DCPS: variants seen among roughly 807,000 people sequenced by gnomAD.
DCPS encodes decapping enzyme, scavenger, also known as m7GpppX diphosphatase.
Under a neutral mutation model 34.7 loss-of-function variants are expected in DCPS, and 27 were observed. The ratio of observed to expected loss-of-function variants is 0.78; its 90% confidence interval spans 0.57 to 1.07. The LOEUF is 1.07. Among genes scored for constraint, DCPS ranks in the 50% least tolerant of loss-of-function variants. DCPS has a pLI of 0.00. For synonymous variants in DCPS, 185 were observed against 185.7 expected (o/e 1.00, Z 0.03); for missense variants, 464 against 436.9 (o/e 1.06, Z -0.55).
intron 2 of DCPS, among the ~76,000 whole-genome samples, chr11:126,326,300 A>G (rs935884655): frequency 1.3e-5 from 2 of 152,144 alleles, no homozygotes; most frequent in Admixed American, 1.3e-4. Flanking sequence ...GAGCCTGGCA[A>G]GGCCACCGGG....
In DCPS at chr11:126,313,056, C is replaced by T. The variant is rs907886420; in HGVS notation, c.376+6312C>T. ...GAGCCCTTTATTGCGGTCTGTTCTC[C>T]TTTACCTGGGGAAGAAGGGGGAGAT... On this transcript the variant is annotated intron_variant, in intron 2 of 5. Transcript: ENST00000263579. The surrounding 1 kb of genome is among the most constrained non-coding windows in gnomAD (Gnocchi z 4.9). Among the ~76,000 whole-genome samples, 4 of 152,196 alleles carry T rather than the reference C, an allele frequency of 2.6e-5. No individual in the cohort carries two copies. The highest frequency in any genetic ancestry group is 2.6e-4 in the Admixed American group (4 of 15,290).
In DCPS at chr11:126,334,291, C is replaced by A. The variant is rs1951814226; in HGVS notation, c.522+2741C>A. 6.6e-6 allele frequency among the ~76,000 whole-genome samples: 1 copy of A among 152,126 alleles called. No individual in the cohort carries two copies. The highest frequency in any genetic ancestry group is 1.5e-5 in the Non-Finnish European group (1 of 68,024). On this transcript the variant is annotated intron_variant, in intron 3 of 5. Transcript: ENST00000263579. This position sits in a 1 kb window ranked among gnomAD's most constrained non-coding sequence, Gnocchi z 5.5. ...CATTGAGCACTTACTATGTATAGTC[C>A]AAGAACTGCTCTAAGCATTTATGCG...
chr11:126,308,652 C>T (rs1951592678), intron 2 of DCPS, among the ~76,000 whole-genome samples: 2 of 152,080 alleles, frequency 1.3e-5, no homozygotes, highest in Admixed American at 1.3e-4. Context: ...TTGGGGTGGC[C>T]CCCTGCATTG....
At position 126,341,014 on chromosome 11, in the gene DCPS, A is replaced by G. The variant is rs150520381; in HGVS notation, c.637-2293A>G. On this transcript the variant is annotated intron_variant, in intron 4 of 5. Transcript: ENST00000263579. ...CACAGCCCTTCCTTTCCCTTCCCCA[A>G]AACAACTATTGTTGCTATTTCTTTG... The G allele has an allele frequency of 2.4e-4, 37 of 152,326 alleles. 6 individuals carry two copies. Among genetic ancestry groups the G allele is most frequent in the African/African-American group, 8.4e-4 (35 of 41,554 alleles). 9.4% of individuals were successfully genotyped at this position (152,326 alleles called of 1,614,324 possible).
At position 126,333,301 on chromosome 11, in the gene DCPS, A is replaced by G. The variant is rs1951806074; in HGVS notation, c.522+1751A>G. On this transcript the variant is annotated intron_variant, in intron 3 of 5. Coordinates refer to ENST00000263579, the MANE Select transcript of DCPS (RefSeq NM_014026.6). The surrounding 1 kb of genome is among the most constrained non-coding windows in gnomAD (Gnocchi z 5.7). ...GCACTCAGCTTAACTGGCAACACTCATTATGTTTACTGAGTACCTACTATG... is the reference window on the plus strand; with the variant it reads ...GCACTCAGCTTAACTGGCAACACTCGTTATGTTTACTGAGTACCTACTATG... Among the ~76,000 whole-genome samples the G allele has an allele frequency of 6.6e-6, 1 of 152,214 alleles. No homozygotes were observed. Among genetic ancestry groups the G allele is most frequent in the Non-Finnish European group, 1.5e-5 (1 of 68,046 alleles).
Position 126,331,028 on chromosome 11 carries a change from G to A in DCPS, c.377-377G>A, listed in dbSNP as rs558363487. ...TGGGATTACAGGCGTCAGCCACTGC[G>A]CCCGGCCTTTAAGCCATATTTTCAG... On this transcript the variant is annotated intron_variant, in intron 2 of 5. Coordinates refer to ENST00000263579, the MANE Select transcript of DCPS (RefSeq NM_014026.6). This position sits in a 1 kb window ranked among gnomAD's most constrained non-coding sequence, Gnocchi z 7.2. Among the ~76,000 whole-genome samples, 5 of 152,114 alleles carry A rather than the reference G, an allele frequency of 3.3e-5. No homozygotes were observed. Among genetic ancestry groups the A allele is most frequent in the Non-Finnish European group, 5.9e-5 (4 of 67,996 alleles).
At chr11:126,317,782 G>C (rs1373790871) in intron 2 of DCPS, among the ~76,000 whole-genome samples, 1 of 152,200 alleles carries the variant, frequency 6.6e-6, no homozygotes, top group Non-Finnish European at 1.5e-5. Flanking sequence ...TCTGTGTGTG[G>C]AGAAGTGGGG....
rs183693405 is a variant in DCPS at position 126,313,073 on chromosome 11, G to A, written c.376+6329G>A. 4.6e-5 allele frequency among the ~76,000 whole-genome samples: 7 copies of A among 152,342 alleles called. No homozygotes were observed. The highest frequency in any genetic ancestry group is 4.6e-4 in the Admixed American group (7 of 15,306). On this transcript the variant is annotated intron_variant, in intron 2 of 5. Coordinates refer to ENST00000263579, the MANE Select transcript of DCPS (RefSeq NM_014026.6). The surrounding 1 kb of genome is among the most constrained non-coding windows in gnomAD (Gnocchi z 4.9). ...CTGTTCTCCTTTACCTGGGGAAGAA[G>A]GGGGAGATAGCAGGGAGAGAGGTGT...
In DCPS at chr11:126,304,608, C is replaced by G. The variant is rs1209532083; in HGVS notation, c.201+327C>G. On this transcript the variant is annotated intron_variant, in intron 1 of 5. Coordinates refer to ENST00000263579, the MANE Select transcript of DCPS (RefSeq NM_014026.6). ...ATTTATGTATACAGGGACTAGGAAC[C>G]CAGTCAATGTTAGATGTCTCGCTCA... Among the ~76,000 whole-genome samples the G allele has an allele frequency of 2.0e-5, 3 of 152,106 alleles. No homozygotes were observed. In the East Asian group the frequency reaches 5.8e-4, roughly 29 times the overall value.
In DCPS at chr11:126,333,794, T is replaced by C. The variant is rs1002896761; in HGVS notation, c.522+2244T>C. 3.3e-5 allele frequency among the ~76,000 whole-genome samples: 5 copies of C among 152,132 alleles called. No homozygotes were observed. Among genetic ancestry groups the C allele is most frequent in the Non-Finnish European group, 7.4e-5 (5 of 68,026 alleles). On this transcript the variant is annotated intron_variant, in intron 3 of 5. Coordinates refer to ENST00000263579, the MANE Select transcript of DCPS (RefSeq NM_014026.6). The surrounding 1 kb of genome is among the most constrained non-coding windows in gnomAD (Gnocchi z 5.7). ...TACCATCAGGATTGCCTGGGGGTTT[T>C]CATAAATACCGAGCACAGAGCACTA...
rs1951947302 is a variant in DCPS at position 126,347,572 on chromosome 11, C to T, written c.*1959C>T. 6.6e-6 allele frequency among the ~76,000 whole-genome samples: 1 copy of T among 152,174 alleles called. No individual in the cohort carries two copies. The highest frequency in any genetic ancestry group is 1.5e-5 in the Non-Finnish European group (1 of 68,020). On this transcript the variant is annotated 3_prime_UTR_variant, in exon 6 of 6. Coordinates refer to ENST00000263579, the MANE Select transcript of DCPS (RefSeq NM_014026.6). This position sits in a 1 kb window ranked among gnomAD's most constrained non-coding sequence, Gnocchi z 4.2. ...AGATTCAGGCAACATGGAGTTGCAG[C>T]CAAGGAACTTTGAGGTAGTGACCAA...
intron 2 of DCPS, among the ~76,000 whole-genome samples, chr11:126,318,189 CT>C (rs1339301760): frequency 6.6e-6 from 1 of 152,194 alleles, no homozygotes; most frequent in Admixed American, 6.5e-5. Context: ...CAGCTCTGTG[CT>C]TTCCTAGAGA....
Position 126,324,629 on chromosome 11 carries a change from CTTTTTTTTTTTT to C in DCPS, c.377-6761_377-6750del, listed in dbSNP as rs58091804. 2.4e-4 allele frequency among the ~76,000 whole-genome samples: 24 copies of C among 99,940 alleles called. 1 individual carries two copies. The highest frequency in any genetic ancestry group is 1.0e-3 in the Admixed American group (9 of 8,918). 65.6% of individuals were successfully genotyped at this position (99,940 alleles called of 152,430 possible). A position where few individuals can be genotyped will look rare whatever the true frequency, so the allele number is the denominator to read the frequency against. On this transcript the variant is annotated intron_variant, in intron 2 of 5. Transcript: ENST00000263579. The stretch of plus-strand genomic sequence containing the variant: ...CACCATGCCTAGCTAATTTTTCTGC[CTTTTTTTTTTTT>C]TTTTTTTTTTTTTTGGTAAAGACGG...
rs1231664224 is a variant in DCPS at position 126,333,495 on chromosome 11, G to T, written c.522+1945G>T. On this transcript the variant is annotated intron_variant, in intron 3 of 5. Transcript: ENST00000263579. The surrounding 1 kb of genome is among the most constrained non-coding windows in gnomAD (Gnocchi z 5.7). ...TGGTGATGCAGAGGGACAGTGACCAGCGCAGACAGTTGGGACTTCACAGGG... is the reference window on the plus strand; with the variant it reads ...TGGTGATGCAGAGGGACAGTGACCATCGCAGACAGTTGGGACTTCACAGGG... Among the ~76,000 whole-genome samples, 1 of 152,236 alleles carries T rather than the reference G, an allele frequency of 6.6e-6. No individual in the cohort carries two copies. Among genetic ancestry groups the T allele is most frequent in the East Asian group, 1.9e-4 (1 of 5,198 alleles).
rs1402727581 is a variant in DCPS, at chr11:126,346,307, C to G, written c.*694C>G. 6.6e-6 allele frequency among the ~76,000 whole-genome samples: 1 copy of G among 152,114 alleles called. No homozygotes were observed. The highest frequency in any genetic ancestry group is 2.4e-5 in the African/African-American group (1 of 41,402). ...TTGAGTTTTTATCTCGGCAGGAAGA[C>G]AAAACAGACTCACATGAAGCAGCCA... On this transcript the variant is annotated 3_prime_UTR_variant, in exon 6 of 6. Coordinates refer to ENST00000263579, the MANE Select transcript of DCPS (RefSeq NM_014026.6). The surrounding 1 kb of genome is among the most constrained non-coding windows in gnomAD (Gnocchi z 4.1).
rs973235440 is a variant in DCPS at position 126,325,732 on chromosome 11, T to G, written c.377-5673T>G. ...TAAAAAGCATGACAGGGGAACTCTG[T>G]AAGGAGTGTTGGAGGTGCTCTTAAT... On this transcript the variant is annotated intron_variant, in intron 2 of 5. Coordinates refer to ENST00000263579, the MANE Select transcript of DCPS (RefSeq NM_014026.6). This position sits in a 1 kb window ranked among gnomAD's most constrained non-coding sequence, Gnocchi z 4.3. Among the ~76,000 whole-genome samples the G allele has an allele frequency of 6.6e-6, 1 of 152,190 alleles. No individual in the cohort carries two copies. Among genetic ancestry groups the G allele is most frequent in the African/African-American group, 2.4e-5 (1 of 41,450 alleles).
intron 2 of DCPS, among the ~76,000 whole-genome samples, chr11:126,330,913 T>G (rs1951784773): frequency 6.6e-6 from 1 of 151,360 alleles, no homozygotes; most frequent in Non-Finnish European, 1.5e-5. Flanking sequence ...ATTTTGTATC[T>G]TTAGTAGAGA....
At position 126,337,848 on chromosome 11, in the gene DCPS, G is replaced by A; in HGVS notation, c.523-438G>A. On this transcript the variant is annotated intron_variant, in intron 3 of 5. Transcript: ENST00000263579. This position sits in a 1 kb window ranked among gnomAD's most constrained non-coding sequence, Gnocchi z 5.3. ...ACAGAAGGAAACCGTGGTGCCCTCA[G>A]CCTCCTACCTCTCTTTGCCCCATAG... 1 of 164,116 alleles carries A rather than the reference G, an allele frequency of 6.1e-6. No individual in the cohort carries two copies. Among genetic ancestry groups the A allele is most frequent in the Non-Finnish European group, 1.3e-5 (1 of 74,584 alleles). The allele number at this position is 164,116 out of a possible 1,614,324, so 10.2% of individuals were successfully genotyped here.
At chr11:126,310,340 T>C (rs1370605154) in intron 2 of DCPS, among the ~76,000 whole-genome samples, 1 of 152,218 alleles carries the variant, frequency 6.6e-6, no homozygotes, top group African/African-American at 2.4e-5. Flanking sequence ...AAGAATCCGA[T>C]GCGCTAATGT....
Sources: allele counts gnomAD v4.1 joint callset (sites outside exome capture counted in the v4.1 genomes callset), GRCh38; gene constraint gnomAD v4.1.1; non-coding constraint Gnocchi (gnomAD v3.1); transcripts MANE v1.5; gene names NCBI Gene and HGNC (gene_info 2026-07-23, HGNC 2026-07-21).